Variants in SCIN observed in about 807,000 individuals in gnomAD.
The protein encoded by SCIN is adseverin.
In SCIN, 91 loss-of-function variants were observed where a neutral mutation model predicts 91.8. The ratio of observed to expected loss-of-function variants is 0.99; its 90% CI spans 0.84 to 1.18. SCIN has a LOEUF of 1.18. Among genes scored for constraint, SCIN ranks in the 50% most tolerant of loss-of-function variants. The pLI is 0.00. For missense variants in SCIN, 1,087 were observed against 863.9 expected, an observed-to-expected ratio of 1.26 and a Z score of -3.24; for synonymous variants, 367 against 312.6, an observed-to-expected ratio of 1.17 and a Z score of -1.84.
intron 3 of SCIN, among the ~76,000 whole-genome samples, chr7:12,598,203 C>T (rs1456153616): frequency 1.3e-5 from 2 of 152,220 alleles, no homozygotes; most frequent in African/African-American, 2.4e-5. Context: ...AGGTATTTAC[C>T]TATCACATTT....
chr7:12,648,211 G>A (rs1374232039), intron 13 of SCIN, among the ~76,000 whole-genome samples: 1 of 150,900 alleles, frequency 6.6e-6, no homozygotes, highest in African/African-American at 2.4e-5. Context: ...TTTTGTACAT[G>A]CAAATATTAT....
At position 12,636,066 on chromosome 7, in the gene SCIN, A is replaced by T. The variant is rs1204170840; in HGVS notation, c.1341A>T (p.Arg447=). Residue 447 remains arginine (R), a synonymous_variant, in exon 10 of 16, where the codon CGA becomes CGT. Transcript: ENST00000297029. ...IYTWQGANAT[R]DELTTSAFLT... is the part of the protein sequence containing the mutation. ...CTAGGCAAGGAGCAAATGCCACACGAGATGAGCTGACAACATCTGCGTTCC... is the reference window on the plus strand; with the variant it reads ...CTAGGCAAGGAGCAAATGCCACACGTGATGAGCTGACAACATCTGCGTTCC... The T allele has an allele frequency of 6.2e-7, 1 of 1,613,022 alleles. No homozygotes were observed. The highest frequency in any genetic ancestry group is 1.3e-5 in the African/African-American group (1 of 74,984).
chr7:12,588,808 T>TGGGGGGGGGGGGTGG (rs1782647214), intron 3 of SCIN: 1 of 7,974 alleles, frequency 1.3e-4, no homozygotes, highest in East Asian at 3.0e-3. Flanking sequence ...CTGCATTGGG[T>TGGGGGGGGGGGGTGG]GGGGGGGGGG....
rs1480303949 is a variant in SCIN, at chr7:12,644,272, C to T, written c.1716C>T (p.Val572=). ...AAGGAGCAGAGTATGTAGCAAGTGT[C>T]CTAAAGTGCAAAACCTTAAGGATCC... is the stretch of plus-strand genomic sequence containing the variant. ...EEKGAEYVAS[V]LKCKTLRIQE... The change falls in exon 12 of 16, where the codon GTC becomes GTT. Residue 572 remains valine, a synonymous_variant. Coordinates refer to ENST00000297029, the MANE Select transcript of SCIN (RefSeq NM_001112706.3). 3 of 1,599,290 alleles carry T rather than the reference C, an allele frequency of 1.9e-6. No homozygotes were observed. The highest frequency in any genetic ancestry group is 2.6e-6 in the Non-Finnish European group (3 of 1,172,452).
At chr7:12,643,271 G>A (rs1783891835) in intron 11 of SCIN, among the ~76,000 whole-genome samples, 1 of 152,142 alleles carries the variant, frequency 6.6e-6, no homozygotes, top group African/African-American at 2.4e-5. Context: ...GCAGGCTAAG[G>A]CTTTATAAAG....
rs145549099 is a variant in SCIN, at chr7:12,659,246, G to C, written c.*6531G>C. The C allele has an allele frequency of 6.6e-6, 1 of 152,178 alleles. No individual in the cohort carries two copies. Among genetic ancestry groups the C allele is most frequent in the Non-Finnish European group, 1.5e-5 (1 of 68,086 alleles). The allele number at this position is 152,178 out of a possible 1,614,324, so 9.4% of individuals were successfully genotyped here. On this transcript the variant is annotated 3_prime_UTR_variant, in exon 16 of 16. Coordinates refer to ENST00000297029, the MANE Select transcript of SCIN (RefSeq NM_001112706.3). ...GCTGGGATTACAGGCATGAGCCACC[G>C]CACCCAGCCCTATTTATGTTTTTTA...
At chr7:12,606,029 G>A (rs1021795781) in intron 4 of SCIN, among the ~76,000 whole-genome samples, 2 of 152,106 alleles carry the variant, frequency 1.3e-5, no homozygotes, top group Non-Finnish European at 2.9e-5. Flanking sequence ...AAATAAGACT[G>A]TCAGTTAAGG....
intron 11 of SCIN, among the ~76,000 whole-genome samples, chr7:12,641,242 T>C (rs1783852179): frequency 6.6e-6 from 1 of 152,054 alleles, no homozygotes; most frequent in Non-Finnish European, 1.5e-5. Flanking sequence ...GGGTTGGTCA[T>C]CTCATCCCTC....
intron 4 of SCIN, among the ~76,000 whole-genome samples, chr7:12,619,792 G>A (rs1238850745): frequency 6.6e-6 from 1 of 152,008 alleles, no homozygotes; most frequent in African/African-American, 2.4e-5. Flanking sequence ...TTTTGGGTCA[G>A]TGGGAGCACC....
At chr7:12,608,144 A>G (rs1186243821) in intron 4 of SCIN, among the ~76,000 whole-genome samples, 1 of 152,216 alleles carries the variant, frequency 6.6e-6, no homozygotes, top group African/African-American at 2.4e-5. Context: ...CTCATATATT[A>G]CTTTACCAAA....
chr7:12,581,272 G>T, intron 3 of SCIN, 51 bp downstream of exon 3: 1 of 1,512,486 alleles, frequency 6.6e-7, no homozygotes, highest in Non-Finnish European at 9.0e-7. Context: ...AATTGCTTTC[G>T]GATCAAATCA....
At chr7:12,604,720 T>TG (rs1343231710) in intron 4 of SCIN, 57 bp downstream of exon 4, 8 of 1,370,584 alleles carry the variant, frequency 5.8e-6, no homozygotes, top group Non-Finnish European at 6.7e-6. Flanking sequence ...TATGTGTCTG[T>TG]GTGGTGTGTG....
At chr7:12,634,082 AG>A (rs1783699563) in intron 9 of SCIN, among the ~76,000 whole-genome samples, 1 of 150,990 alleles carries the variant, frequency 6.6e-6, no homozygotes, top group African/African-American at 2.4e-5. Context: ...TTTTGGGCGG[AG>A]GGGGGTGGGT....
chr7:12,601,214 T>A (rs532470454), intron 3 of SCIN, among the ~76,000 whole-genome samples: 7 of 152,138 alleles, frequency 4.6e-5, no homozygotes, highest in African/African-American at 1.7e-4. Context: ...TAAGCGGGGG[T>A]CAGAGAGACT....
chr7:12,617,130 T>A (rs1311536212), intron 4 of SCIN, among the ~76,000 whole-genome samples: 2 of 152,080 alleles, frequency 1.3e-5, no homozygotes, highest in Non-Finnish European at 2.9e-5. Context: ...ATTAGTCCAG[T>A]AATTTGCAGG....
At position 12,636,095 on chromosome 7, in the gene SCIN, C is replaced by T. The variant is rs772001468; in HGVS notation, c.1370C>T (p.Thr457Ile). The stretch of plus-strand genomic sequence containing the variant: ...GAGCTGACAACATCTGCGTTCCTGA[C>T]TGTTCAGTTGGATCGGTCCCTTGGA... Reference protein sequence around the residue: ...RDELTTSAFLTVQLDRSLGGQ... With the variant: ...RDELTTSAFLIVQLDRSLGGQ... Residue 457 changes from threonine (T) to isoleucine (I), a missense_variant, in exon 10 of 16, where the codon ACT becomes ATT. Transcript: ENST00000297029. 1.9e-6 allele frequency: 3 copies of T among 1,613,214 alleles called. No homozygotes were observed. Among genetic ancestry groups the T allele is most frequent in the South Asian group, 2.2e-5 (2 of 90,822 alleles).
chr7:12,640,394 C>G lies in SCIN; in HGVS notation c.1458C>G (p.Phe486Leu). 1 of 1,612,956 alleles carries G rather than the reference C, an allele frequency of 6.2e-7. No individual in the cohort carries two copies. The change falls in exon 11 of 16, where the codon TTC becomes TTG. Residue 486 changes from phenylalanine to leucine, a missense_variant. Coordinates refer to ENST00000297029, the MANE Select transcript of SCIN (RefSeq NM_001112706.3). The part of the protein sequence containing the change: ...GKEPVHLLSL[F>L]KDKPLIIYKN... ...AGCCTGTTCACCTACTGAGTTTGTT[C>G]AAAGACAAACCGCTCATTATTTACA...
chr7:12,636,254 T>C, intron 10 of SCIN, 119 bp downstream of exon 10: 2 of 660,994 alleles, frequency 3.0e-6, no homozygotes, highest in Non-Finnish European at 5.2e-6. Context: ...ATGAACTGTG[T>C]TTTCATTTTG....
At chr7:12,644,548 G>T in intron 12 of SCIN, 36 bp from the exon 13 acceptor site, 1 of 1,606,886 alleles carries the variant, frequency 6.2e-7, no homozygotes, top group Non-Finnish European at 8.5e-7. Context: ...ATATGTCCCT[G>T]AAAATGCACT....
Sources: allele counts gnomAD v4.1 joint callset (sites outside exome capture counted in the v4.1 genomes callset), GRCh38; gene constraint gnomAD v4.1.1; transcripts MANE v1.5; gene names NCBI Gene and HGNC (gene_info 2026-07-23, HGNC 2026-07-21).